The following WDPCP variants were observed in gnomAD, a reference collection of about 807,000 sequenced individuals.
WDPCP encodes WD repeat-containing and planar cell polarity effector protein fritz homolog.
In WDPCP, 71 loss-of-function variants were observed where a neutral mutation model predicts 93.1. The observed-to-expected ratio is 0.76, with a 90% CI of 0.63 to 0.93. WDPCP has a LOEUF of 0.93. Ranked by LOEUF, WDPCP falls within the 40% of genes least tolerant of loss-of-function variation. The probability of loss-of-function intolerance (pLI) is 0.00; values close to 1 mark genes in which losing one functional copy is unlikely to be tolerated. For synonymous variants in WDPCP, 315 were observed against 315.0 expected (o/e 1.00, Z 0.00); for missense variants, 844 against 887.4 (o/e 0.95, Z 0.62).
chr2:63,200,534 C>G (rs1265215923), intron 14 of WDPCP, among the ~76,000 whole-genome samples: 2 of 152,192 alleles, frequency 1.3e-5, no homozygotes, highest in Admixed American at 6.5e-5. Flanking sequence ...ATCCTTTTAT[C>G]TGCAACAACA....
At chr2:63,775,508 T>A (rs1244281690) in intron 2 of WDPCP, among the ~76,000 whole-genome samples, 1 of 152,212 alleles carries the variant, frequency 6.6e-6, no homozygotes, top group Non-Finnish European at 1.5e-5. Flanking sequence ...CTTATACACA[T>A]TGAATTGTTG....
chr2:63,741,387 G>A (rs1393649041), intron 2 of WDPCP, among the ~76,000 whole-genome samples: 1 of 151,836 alleles, frequency 6.6e-6, no homozygotes, highest in African/African-American at 2.4e-5. Context: ...GGTTTCTCCT[G>A]GGCATCTCTG....
intron 15 of WDPCP, among the ~76,000 whole-genome samples, chr2:63,161,476 C>CT (rs1335636827): frequency 2.6e-5 from 4 of 152,228 alleles, no homozygotes; most frequent in Admixed American, 2.6e-4. Flanking sequence ...AAGGACATTT[C>CT]TGGCTGTTCT....
chr2:63,351,051 A>C, intron 12 of WDPCP, among the ~76,000 whole-genome samples: 1 of 151,928 alleles, frequency 6.6e-6, no homozygotes, highest in South Asian at 2.1e-4. Flanking sequence ...GCTCAATCTT[A>C]GCTCACTGCA....
chr2:63,792,296 C>T (rs916909893), intron 2 of WDPCP, among the ~76,000 whole-genome samples: 7 of 152,022 alleles, frequency 4.6e-5, no homozygotes, highest in African/African-American at 1.4e-4. Context: ...TGGCAGCAGG[C>T]GAGAGAGGGC....
At chr2:63,748,400 T>G (rs1205725695) in intron 2 of WDPCP, among the ~76,000 whole-genome samples, 2 of 152,104 alleles carry the variant, frequency 1.3e-5, no homozygotes, top group African/African-American at 2.4e-5. Flanking sequence ...CTGAGGAAGC[T>G]CCTTCTATTC....
At chr2:63,596,036 C>T (rs1709305612) in intron 3 of WDPCP, among the ~76,000 whole-genome samples, 1 of 152,140 alleles carries the variant, frequency 6.6e-6, no homozygotes, top group Non-Finnish European at 1.5e-5. Context: ...TTGTCCTTAC[C>T]ATATGCTCTA....
intron 13 of WDPCP, among the ~76,000 whole-genome samples, chr2:63,295,614 A>ATCATCAGAGATTAC (rs1218628351): frequency 3.3e-5 from 5 of 152,038 alleles, no homozygotes; most frequent in Admixed American, 6.5e-5. Flanking sequence ...AATATAAAAG[A>ATCATCAGAGATTAC]TCATCAGAGA....
At chr2:63,781,270 G>T (rs1670387746) in intron 2 of WDPCP, among the ~76,000 whole-genome samples, 1 of 152,152 alleles carries the variant, frequency 6.6e-6, no homozygotes, top group Non-Finnish European at 1.5e-5. Flanking sequence ...GCTGAGCACG[G>T]GCATTCCATG....
intron 2 of WDPCP, among the ~76,000 whole-genome samples, chr2:63,711,085 C>T (rs1669255289): frequency 6.6e-6 from 1 of 152,164 alleles, no homozygotes. Flanking sequence ...CATCTTCATC[C>T]TAGCCCCACC....
chr2:63,279,809 C>A (rs779847528), intron 13 of WDPCP, among the ~76,000 whole-genome samples: 20 of 152,060 alleles, frequency 1.3e-4, no homozygotes, highest in Middle Eastern at 3.2e-3. Flanking sequence ...CTGCTATATA[C>A]TAACAGTGAC....
intron 14 of WDPCP, among the ~76,000 whole-genome samples, chr2:63,176,973 T>C (rs143104640): frequency 5.9e-5 from 9 of 152,346 alleles, no homozygotes; most frequent in Non-Finnish European, 1.0e-4. Flanking sequence ...CTCTTTTGCA[T>C]GGGGATATCC....
chr2:63,570,600 G>T (rs1438863803), intron 1 of WDPCP, among the ~76,000 whole-genome samples: 1 of 152,174 alleles, frequency 6.6e-6, no homozygotes. Flanking sequence ...CTAGGTAGAT[G>T]ATCATTATCA....
intron 13 of WDPCP, among the ~76,000 whole-genome samples, chr2:63,305,059 G>GC (rs1685622527): frequency 2.0e-5 from 3 of 152,118 alleles, no homozygotes; most frequent in African/African-American, 7.2e-5. Flanking sequence ...CCTCCTCTCT[G>GC]GGCAGGGCAT....
intron 13 of WDPCP, among the ~76,000 whole-genome samples, chr2:63,299,215 T>C (rs1205074749): frequency 6.6e-6 from 1 of 152,242 alleles, no homozygotes; most frequent in Non-Finnish European, 1.5e-5. Context: ...TGTCAGTGCA[T>C]AGGACTACTG....
At chr2:63,719,799 T>C (rs1027848235) in intron 2 of WDPCP, among the ~76,000 whole-genome samples, 4 of 152,146 alleles carry the variant, frequency 2.6e-5, no homozygotes, top group Non-Finnish European at 5.9e-5. Context: ...TTTTTAAAAG[T>C]TTACCATATA....
intron 1 of WDPCP, among the ~76,000 whole-genome samples, chr2:63,575,096 T>C (rs1420931239): frequency 6.6e-6 from 1 of 151,952 alleles, no homozygotes; most frequent in African/African-American, 2.4e-5. Context: ...CTGTCATCAG[T>C]AATTCTGTAA....
chr2:63,615,422 G>A (rs1709662283), intron 3 of WDPCP, among the ~76,000 whole-genome samples: 1 of 152,154 alleles, frequency 6.6e-6, no homozygotes, highest in Non-Finnish European at 1.5e-5. Context: ...AATAAGCAAT[G>A]CGAAGAAGCT....
intron 2 of WDPCP, among the ~76,000 whole-genome samples, chr2:63,708,869 C>G (rs1187718925): frequency 6.6e-6 from 1 of 151,562 alleles, no homozygotes; most frequent in Non-Finnish European, 1.5e-5. Context: ...CTCAGCCTCC[C>G]AAAGTGCTGG....
Sources: gnomAD v4.1 joint callset for allele counts (sites outside exome capture counted in the v4.1 genomes callset) on GRCh38, gnomAD v4.1.1 for gene constraint, MANE v1.5 for transcripts, NCBI Gene and HGNC (gene_info 2026-07-23, HGNC 2026-07-21) for gene names.